CA10: variants seen among roughly 807,000 people sequenced by gnomAD.
CA10 encodes the protein carbonic anhydrase 10 (inactive), also known as carbonic anhydrase-related protein 10.
A neutral mutation model predicts 44.2 loss-of-function variants in CA10; 14 were observed. That is an observed-to-expected ratio of 0.32 (90% CI 0.21 to 0.50). The LOEUF (loss-of-function observed/expected upper bound fraction) is 0.50, where lower values mean the gene tolerates loss of function less well. Among genes scored for constraint, CA10 ranks in the 20% least tolerant of loss-of-function variants. The probability of loss-of-function intolerance (pLI) is 0.99; values close to 1 mark genes in which losing one functional copy is unlikely to be tolerated. For missense variants in CA10, 350 were observed against 409.7 expected (o/e 0.85, Z 1.26); for synonymous variants, 159 against 141.6 (o/e 1.12, Z -0.87).
In CA10 at chr17:51,857,374, A is replaced by G. The variant is rs566014803; in HGVS notation, c.279+73616T>C. 3.3e-5 allele frequency among the ~76,000 whole-genome samples: 5 copies of G among 152,212 alleles called. No homozygotes were observed. The South Asian group carries it at 6.2e-4, about 19-fold the overall frequency. On this transcript the variant is annotated intron_variant, in intron 3 of 8. Transcript: ENST00000451037. Reference sequence around the variant, plus strand: ...AAAAGGCTGCTTTACTCCCACCTGCAGTATACGCCTACCACCACATGCTAC... The same window carrying G: ...AAAAGGCTGCTTTACTCCCACCTGCGGTATACGCCTACCACCACATGCTAC...
intron 3 of CA10, among the ~76,000 whole-genome samples, chr17:51,764,138 A>G (rs1170674990): frequency 6.6e-6 from 1 of 152,162 alleles, no homozygotes; most frequent in Non-Finnish European, 1.5e-5. Context: ...TCTTAAATGG[A>G]TGATACACAG....
At chr17:51,844,071 G>A (rs1165884627) in intron 3 of CA10, among the ~76,000 whole-genome samples, 1 of 152,110 alleles carries the variant, frequency 6.6e-6, no homozygotes, top group Non-Finnish European at 1.5e-5. Context: ...GGAGATTCAT[G>A]AAGTTTAAAA....
chr17:51,981,677 T>G (rs534413770), intron 2 of CA10, among the ~76,000 whole-genome samples: 8 of 152,192 alleles, frequency 5.3e-5, no homozygotes, highest in African/African-American at 1.7e-4. Flanking sequence ...ATATTTTCAT[T>G]TCTACAAGAC....
chr17:51,915,997 A>G (rs1765775699), intron 3 of CA10, among the ~76,000 whole-genome samples: 2 of 152,026 alleles, frequency 1.3e-5, no homozygotes, highest in Non-Finnish European at 2.9e-5. Context: ...TTTTAGATTC[A>G]GAAACTGTGA....
In CA10 at chr17:51,928,500, G is replaced by T. The variant is rs190579154; in HGVS notation, c.279+2490C>A. ...AATATGTTAAAATAAACATAGTAACGCAAGTCAGGGGCTTCCAGAGAGCTG... is the reference window on the plus strand; with the variant it reads ...AATATGTTAAAATAAACATAGTAACTCAAGTCAGGGGCTTCCAGAGAGCTG... On this transcript the variant is annotated intron_variant, in intron 3 of 8. Transcript: ENST00000451037. Among the ~76,000 whole-genome samples the T allele has an allele frequency of 3.3e-5, 5 of 152,156 alleles. 1 individual carries two copies. The South Asian group carries it at 1.0e-3, about 32-fold the overall frequency.
chr17:52,101,025 T>C (rs1203958602), intron 1 of CA10, among the ~76,000 whole-genome samples: 2 of 152,216 alleles, frequency 1.3e-5, no homozygotes, highest in Non-Finnish European at 2.9e-5. Context: ...TCTAAGTCAA[T>C]GTAGTTGCAA....
At chr17:51,687,344 T>C (rs531356523) in intron 4 of CA10, among the ~76,000 whole-genome samples, 1 of 152,348 alleles carries the variant, frequency 6.6e-6, no homozygotes, top group East Asian at 1.9e-4. Context: ...TTTATCACCA[T>C]GTAGTATTTT....
At chr17:51,660,699 C>G (rs879639429) in intron 4 of CA10, among the ~76,000 whole-genome samples, 4 of 152,174 alleles carry the variant, frequency 2.6e-5, no homozygotes, top group Non-Finnish European at 4.4e-5. Context: ...GAACAGAAGA[C>G]CACACGTGGC....
intron 4 of CA10, among the ~76,000 whole-genome samples, chr17:51,743,949 AG>A (rs1904565088): frequency 6.6e-6 from 1 of 152,256 alleles, no homozygotes; most frequent in South Asian, 2.1e-4. Context: ...TTTTTTAAAA[AG>A]TTAACCTTCA....
intron 6 of CA10, among the ~76,000 whole-genome samples, chr17:51,641,519 C>T (rs1160143965): frequency 6.6e-6 from 1 of 152,036 alleles, no homozygotes; most frequent in African/African-American, 2.4e-5. Flanking sequence ...AAAGGAGGAC[C>T]CCTTGGATCT....
At chr17:51,657,099 G>GTTCACC (rs1449160532) in intron 4 of CA10, among the ~76,000 whole-genome samples, 3 of 152,196 alleles carry the variant, frequency 2.0e-5, no homozygotes, top group South Asian at 2.1e-4. Flanking sequence ...TTAAGGCAGA[G>GTTCACC]ATGTGCTCTA....
chr17:51,717,231 A>G (rs536528444), intron 4 of CA10, among the ~76,000 whole-genome samples: 46 of 151,880 alleles, frequency 3.0e-4, no homozygotes, highest in African/African-American at 1.0e-3. Flanking sequence ...CTTGACCCCA[A>G]TTTTCTGACA....
chr17:51,807,109 T>C (rs1335995163), intron 3 of CA10, among the ~76,000 whole-genome samples: 1 of 152,224 alleles, frequency 6.6e-6, no homozygotes, highest in Admixed American at 6.5e-5. Flanking sequence ...AGTTCTTTTG[T>C]TGGCTAGTGG....
chr17:52,136,493 G>GT (rs1351818642), intron 1 of CA10, among the ~76,000 whole-genome samples: 1 of 152,152 alleles, frequency 6.6e-6, no homozygotes, highest in African/African-American at 2.4e-5. Context: ...TGCTATTTGT[G>GT]TAAGACATGG....
intron 3 of CA10, among the ~76,000 whole-genome samples, chr17:51,836,859 G>C (rs1332108379): frequency 1.3e-5 from 2 of 152,104 alleles, no homozygotes; most frequent in East Asian, 3.9e-4. Flanking sequence ...GAATATACTT[G>C]AGTATAAGAG....
chr17:51,950,988 T>C (rs1297405755), intron 2 of CA10, among the ~76,000 whole-genome samples: 2 of 152,152 alleles, frequency 1.3e-5, no homozygotes, highest in Non-Finnish European at 2.9e-5. Context: ...TAGGTCCCAA[T>C]GGATTGTCTT....
intron 1 of CA10, among the ~76,000 whole-genome samples, chr17:52,105,399 C>T (rs185623682): frequency 5.9e-5 from 9 of 152,226 alleles, no homozygotes; most frequent in Middle Eastern, 3.4e-3. Flanking sequence ...GGACTACAGG[C>T]GCCTGCCACC....
chr17:51,949,583 C>T (rs1037378250), intron 2 of CA10, among the ~76,000 whole-genome samples: 2 of 152,160 alleles, frequency 1.3e-5, no homozygotes, highest in Non-Finnish European at 2.9e-5. Context: ...AGGTTAGTCT[C>T]TCACTGTGGC....
At chr17:51,795,741 C>T (rs1906680381) in intron 3 of CA10, among the ~76,000 whole-genome samples, 1 of 152,182 alleles carries the variant, frequency 6.6e-6, no homozygotes. Flanking sequence ...GGGCTGACCC[C>T]AGGGAGGCAC....
Sources: gnomAD v4.1 joint callset for allele counts (sites outside exome capture counted in the v4.1 genomes callset) on GRCh38, gnomAD v4.1.1 for gene constraint, MANE v1.5 for transcripts, NCBI Gene and HGNC (gene_info 2026-07-23, HGNC 2026-07-21) for gene names.